The following SLCO5A1 variants were observed in gnomAD, a reference collection of about 807,000 sequenced individuals.
SLCO5A1 encodes organic anion transporter polypeptide-related protein 4.
SLCO5A1 carries 39 observed loss-of-function variants against 65.1 expected under a neutral mutation model. The ratio of observed to expected loss-of-function variants is 0.60; its 90% CI spans 0.46 to 0.78. SLCO5A1 has a LOEUF of 0.78. Ranked by LOEUF, SLCO5A1 falls within the 30% of genes least tolerant of loss-of-function variation. The pLI is 0.00. For missense variants in SLCO5A1, 1,029 were observed against 1,069.4 expected (o/e 0.96, Z 0.53); for synonymous variants, 438 against 415.7 (o/e 1.05, Z -0.65).
At chr8:69,783,421 T>C (rs1317769310) in intron 2 of SLCO5A1, among the ~76,000 whole-genome samples, 1 of 152,042 alleles carries the variant, frequency 6.6e-6, no homozygotes, top group African/African-American at 2.4e-5. Context: ...AAACACCTCA[T>C]GTACTCCACA....
At chr8:69,815,423 G>A (rs758470548) in intron 2 of SLCO5A1, among the ~76,000 whole-genome samples, 13 of 151,830 alleles carry the variant, frequency 8.6e-5, no homozygotes, top group Non-Finnish European at 1.9e-4. Flanking sequence ...GGGTTTTTTT[G>A]TCCATTTGTT....
intron 2 of SLCO5A1, among the ~76,000 whole-genome samples, chr8:69,791,269 CTG>C (rs1283595295): frequency 2.0e-5 from 3 of 152,160 alleles, no homozygotes; most frequent in Non-Finnish European, 2.9e-5. Flanking sequence ...GGAGCAGAAA[CTG>C]GGGGCAAGAA....
At chr8:69,809,685 T>G (rs116388073) in intron 2 of SLCO5A1, among the ~76,000 whole-genome samples, 2,922 of 152,108 alleles carry the variant, frequency 0.019, 100 homozygotes, top group African/African-American at 0.067. Context: ...TTATTATTAT[T>G]ATGCTATCTT....
In SLCO5A1 at chr8:69,753,342, T is replaced by C. The variant is rs546359158; in HGVS notation, c.1258+2082A>G. On this transcript the variant is annotated intron_variant, in intron 4 of 9. Transcript: ENST00000260126. ...GGGGCATGGGAGGCCAGGGGGTTCATTCCTTGGTACCTGAAAACCGCCTCA... is the reference window on the plus strand; with the variant it reads ...GGGGCATGGGAGGCCAGGGGGTTCACTCCTTGGTACCTGAAAACCGCCTCA... Among the ~76,000 whole-genome samples, 42 of 152,274 alleles carry C rather than the reference T, an allele frequency of 2.8e-4. 1 individual carries two copies. In the East Asian group the frequency reaches 4.8e-3, roughly 18 times the overall value.
chr8:69,825,163 C>A (rs1188706431), intron 2 of SLCO5A1, among the ~76,000 whole-genome samples: 1 of 152,158 alleles, frequency 6.6e-6, no homozygotes, highest in Non-Finnish European at 1.5e-5. Flanking sequence ...AAACCCACAG[C>A]CAATATCATA....
chr8:69,830,379 G>T (rs1396054411), intron 2 of SLCO5A1, among the ~76,000 whole-genome samples: 1 of 152,090 alleles, frequency 6.6e-6, no homozygotes, highest in Admixed American at 6.5e-5. Flanking sequence ...TTTTTTAAGA[G>T]ATGGGGTCTC....
intron 6 of SLCO5A1, among the ~76,000 whole-genome samples, chr8:69,685,526 A>T (rs907955142): frequency 6.6e-6 from 1 of 152,216 alleles, no homozygotes; most frequent in Non-Finnish European, 1.5e-5. Flanking sequence ...AATCGTGTTA[A>T]CTCAAGAATC....
intron 3 of SLCO5A1, among the ~76,000 whole-genome samples, chr8:69,757,047 CA>C (rs1484708568): frequency 3.2e-4 from 49 of 152,310 alleles, no homozygotes; most frequent in Middle Eastern, 3.4e-3. Context: ...AGATCCATTG[CA>C]AAGTGAAAAT....
In SLCO5A1 at chr8:69,690,059, G is replaced by C. The variant is rs533234923; in HGVS notation, c.1623-7716C>G. ...CCCGCCCCTTTGCGGGTACGGGGGG[G>C]CGCCAGGGGCCTCCCACTTATTCTA... is the stretch of plus-strand genomic sequence containing the variant. On this transcript the variant is annotated intron_variant, in intron 6 of 9. Transcript: ENST00000260126. Among the ~76,000 whole-genome samples the C allele has an allele frequency of 2.1e-4, 31 of 144,444 alleles. No homozygotes were observed. The South Asian group carries it at 3.6e-3, about 17-fold the overall frequency. 94.8% of individuals were successfully genotyped at this position (144,444 alleles called of 152,430 possible). A position where few individuals can be genotyped will look rare whatever the true frequency, so the allele number is the denominator to read the frequency against.
intron 2 of SLCO5A1, among the ~76,000 whole-genome samples, chr8:69,826,762 A>G (rs1329871825): frequency 6.6e-6 from 1 of 152,196 alleles, no homozygotes; most frequent in East Asian, 1.9e-4. Flanking sequence ...ATCTAGAACT[A>G]GAAATACCAT....
chr8:69,812,133 A>G (rs1193523231), intron 2 of SLCO5A1, among the ~76,000 whole-genome samples: 1 of 152,206 alleles, frequency 6.6e-6, no homozygotes, highest in Non-Finnish European at 1.5e-5. Context: ...ATAACCTTAA[A>G]TTATCCAGAA....
chr8:69,706,536 T>C (rs1472677254), intron 5 of SLCO5A1, among the ~76,000 whole-genome samples: 1 of 152,326 alleles, frequency 6.6e-6, no homozygotes, highest in East Asian at 1.9e-4. Flanking sequence ...ATGGGATTCA[T>C]GCCCTTATAA....
At chr8:69,676,352 T>C (rs1219581683) in intron 9 of SLCO5A1, among the ~76,000 whole-genome samples, 1 of 152,202 alleles carries the variant, frequency 6.6e-6, no homozygotes, top group African/African-American at 2.4e-5. Context: ...TGCAAAATTC[T>C]GGGGAATTTT....
chr8:69,690,367 C>A (rs922370241), intron 6 of SLCO5A1, among the ~76,000 whole-genome samples: 2 of 152,194 alleles, frequency 1.3e-5, no homozygotes, highest in Non-Finnish European at 2.9e-5. Flanking sequence ...CGCGTCAACA[C>A]CCGCCGCGGG....
intron 3 of SLCO5A1, among the ~76,000 whole-genome samples, chr8:69,758,772 A>G (rs1817633355): frequency 6.6e-6 from 1 of 152,350 alleles, no homozygotes; most frequent in African/African-American, 2.4e-5. Flanking sequence ...AGCTGAGACA[A>G]GAAAGTGTGC....
At chr8:69,674,836 C>T (rs932733409) in intron 9 of SLCO5A1, among the ~76,000 whole-genome samples, 1 of 144,244 alleles carries the variant, frequency 6.9e-6, no homozygotes, top group Non-Finnish European at 1.5e-5. Flanking sequence ...GCCTGGCCAA[C>T]ATGGTGAAAC....
chr8:69,681,487 G>C (rs1410882296), intron 7 of SLCO5A1, among the ~76,000 whole-genome samples: 1 of 152,126 alleles, frequency 6.6e-6, no homozygotes, highest in African/African-American at 2.4e-5. Context: ...CAACTACTAG[G>C]GAGGCTGAGG....
intron 2 of SLCO5A1, among the ~76,000 whole-genome samples, chr8:69,826,097 A>G (rs1477874370): frequency 6.6e-6 from 1 of 152,250 alleles, no homozygotes; most frequent in African/African-American, 2.4e-5. Flanking sequence ...CTGAAACTGG[A>G]TCCCTTCCTT....
intron 2 of SLCO5A1, among the ~76,000 whole-genome samples, chr8:69,768,024 G>C (rs1466545215): frequency 1.3e-5 from 2 of 151,860 alleles, no homozygotes; most frequent in African/African-American, 2.4e-5. Flanking sequence ...CTTGAGCTCA[G>C]GAGCTCAAGA....
Sources: gnomAD v4.1 joint callset for allele counts (sites outside exome capture counted in the v4.1 genomes callset) on GRCh38, gnomAD v4.1.1 for gene constraint, MANE v1.5 for transcripts, NCBI Gene and HGNC (gene_info 2026-07-23, HGNC 2026-07-21) for gene names.